EVL: variants seen among roughly 807,000 people sequenced by gnomAD.
EVL encodes the protein Enah/Vasp-like, also known as ena/VASP-like protein.
Under a neutral mutation model 59.6 loss-of-function variants are expected in EVL, and 21 were observed. The ratio of observed to expected loss-of-function variants is 0.35; its 90% CI spans 0.25 to 0.51. The LOEUF (loss-of-function observed/expected upper bound fraction) is 0.51. Ranked by LOEUF, EVL falls within the 20% of genes least tolerant of loss-of-function variation. EVL has a pLI of 0.97. For synonymous variants in EVL, 198 were observed against 203.5 expected (o/e 0.97, Z 0.23); for missense variants, 462 against 546.6 (o/e 0.85, Z 1.54).
At chr14:99,992,460 C>T (rs547660597) in intron 1 of EVL, among the ~76,000 whole-genome samples, 1 of 152,268 alleles carries the variant, frequency 6.6e-6, no homozygotes, top group East Asian at 1.9e-4. Context: ...GATTTAGTCT[C>T]ATTTGTCTAT....
At chr14:100,004,546 T>G (rs928216787) in intron 1 of EVL, among the ~76,000 whole-genome samples, 2 of 152,178 alleles carry the variant, frequency 1.3e-5, no homozygotes, top group Admixed American at 6.5e-5. Context: ...AATTTGATCA[T>G]ATAAAAGTTT....
At chr14:100,069,205 C>T (rs1471305891) in intron 1 of EVL, among the ~76,000 whole-genome samples, 3 of 152,196 alleles carry the variant, frequency 2.0e-5, no homozygotes, top group African/African-American at 7.2e-5. Flanking sequence ...GATTCCTGTG[C>T]TACCAAAGTT....
rs34556561 is a variant in EVL, at chr14:100,125,253, T to TACACACACAC, written c.423-1423_423-1414dup. ...ACACACACCTGCCCCAAGGCAGGAA[T>TACACACACAC]ACACACACACACACACACACACACA... is the stretch of plus-strand genomic sequence containing the variant. On this transcript the variant is annotated intron_variant, in intron 4 of 13. Transcript: ENST00000392920. Among the ~76,000 whole-genome samples, 39 of 119,606 alleles carry TACACACACAC rather than the reference T, an allele frequency of 3.3e-4. 1 individual carries two copies. Among genetic ancestry groups the TACACACACAC allele is most frequent in the African/African-American group, 1.3e-3 (37 of 28,898 alleles). 78.5% of individuals were successfully genotyped at this position (119,606 alleles called of 152,430 possible).
intron 1 of EVL, among the ~76,000 whole-genome samples, chr14:100,041,098 T>G (rs1735556544): frequency 6.6e-6 from 1 of 152,192 alleles, no homozygotes; most frequent in African/African-American, 2.4e-5. Flanking sequence ...TTAGAAACAG[T>G]GGCATTGTTG....
At chr14:100,061,148 T>A (rs2061821108), upstream of EVL, among the ~76,000 whole-genome samples, 1 of 152,000 alleles carries the variant, frequency 6.6e-6, no homozygotes, top group South Asian at 2.1e-4. Context: ...CCCAGCCCTT[T>A]CGGAGGCTGA....
At chr14:99,976,180 T>A (rs1414353228) in intron 1 of EVL, among the ~76,000 whole-genome samples, 2 of 145,744 alleles carry the variant, frequency 1.4e-5, no homozygotes, top group African/African-American at 2.6e-5. Flanking sequence ...CATGGCCAGC[T>A]TTTATTTATT....
intron 1 of EVL, among the ~76,000 whole-genome samples, chr14:100,076,390 T>G (rs957757019): frequency 2.0e-5 from 3 of 152,356 alleles, no homozygotes; most frequent in African/African-American, 7.2e-5. Context: ...GGAAGAGAAC[T>G]GTGGCCTAAG....
At chr14:100,013,900 A>G (rs1049019664) in intron 1 of EVL, among the ~76,000 whole-genome samples, 1 of 152,248 alleles carries the variant, frequency 6.6e-6, no homozygotes, top group African/African-American at 2.4e-5. Flanking sequence ...TTTTATGGTT[A>G]CATAGTAGAT....
chr14:100,136,055 G>A, intron 9 of EVL, 87 bp downstream of exon 9: 1 of 1,470,276 alleles, frequency 6.8e-7, no homozygotes, highest in Non-Finnish European at 9.5e-7. Flanking sequence ...CTCTGATCCA[G>A]CCTCTTTAGT....
At chr14:100,119,378 A>T (rs1372634921) in intron 3 of EVL, among the ~76,000 whole-genome samples, 2 of 152,234 alleles carry the variant, frequency 1.3e-5, no homozygotes, top group East Asian at 3.8e-4. Flanking sequence ...AGACTCAACA[A>T]GCTTGGGACA....
At chr14:100,057,380 G>C (rs948458302) in intron 1 of EVL, among the ~76,000 whole-genome samples, 5 of 152,182 alleles carry the variant, frequency 3.3e-5, no homozygotes, top group African/African-American at 2.4e-5. Flanking sequence ...AGACTGCTCA[G>C]CTGACATCGG....
At chr14:100,096,737 G>C (rs1184494266) in intron 2 of EVL, among the ~76,000 whole-genome samples, 2 of 152,210 alleles carry the variant, frequency 1.3e-5, no homozygotes, top group Admixed American at 6.5e-5. Context: ...GAAGTTTAGA[G>C]GTCAGGCAGA....
intron 1 of EVL, among the ~76,000 whole-genome samples, chr14:100,016,956 A>G (rs1420589610): frequency 6.6e-6 from 1 of 152,218 alleles, no homozygotes; most frequent in African/African-American, 2.4e-5. Context: ...CTGCAGGGCC[A>G]CAGGCTGCCT....
At chr14:99,978,395 C>G (rs2060784792) in intron 1 of EVL, among the ~76,000 whole-genome samples, 1 of 149,044 alleles carries the variant, frequency 6.7e-6, no homozygotes, top group African/African-American at 2.5e-5. Flanking sequence ...GAGCGAGACT[C>G]TGTCTCAAAA....
chr14:100,027,885 G>T (rs541857233), intron 1 of EVL, among the ~76,000 whole-genome samples: 1 of 152,246 alleles, frequency 6.6e-6, no homozygotes, highest in East Asian at 1.9e-4. Flanking sequence ...ATGTTGGCCA[G>T]GCTGGTCTCA....
chr14:100,035,129 A>G (rs1566977607), intron 1 of EVL, among the ~76,000 whole-genome samples: 2 of 152,120 alleles, frequency 1.3e-5, no homozygotes, highest in African/African-American at 4.8e-5. Flanking sequence ...TATTCCTCAA[A>G]TTTTCTTTCT....
chr14:100,097,457 A>T, intron 2 of EVL, 24 bp from the exon 3 acceptor site: 1 of 1,585,092 alleles, frequency 6.3e-7, no homozygotes, highest in Non-Finnish European at 8.6e-7. Flanking sequence ...ATTTACACGT[A>T]TTTCTCTCTC....
At chr14:100,076,605 A>T (rs1411300048) in intron 1 of EVL, among the ~76,000 whole-genome samples, 1 of 152,224 alleles carries the variant, frequency 6.6e-6, no homozygotes, top group African/African-American at 2.4e-5. Context: ...TTTCTAAAAG[A>T]GGTAACAGAT....
intron 1 of EVL, among the ~76,000 whole-genome samples, chr14:100,044,760 C>G (rs2061522915): frequency 6.6e-6 from 1 of 152,128 alleles, no homozygotes; most frequent in Admixed American, 6.5e-5. Context: ...CCTGAATGGA[C>G]AGTGAGAAAC....
Sources: gnomAD v4.1 joint callset for allele counts (sites outside exome capture counted in the v4.1 genomes callset) on GRCh38, gnomAD v4.1.1 for gene constraint, MANE v1.5 for transcripts, NCBI Gene and HGNC (gene_info 2026-07-23, HGNC 2026-07-21) for gene names.